The following A1CF variants were observed in gnomAD, a reference collection of about 807,000 sequenced individuals.
A1CF encodes the protein APOBEC1 complementation factor, also known as APOBEC-1 stimulating protein.
A neutral mutation model predicts 68.9 loss-of-function variants in A1CF; 48 were observed. The observed-to-expected ratio is 0.70, with a 90% CI of 0.55 to 0.89. The LOEUF (loss-of-function observed/expected upper bound fraction) is 0.89. Among genes scored for constraint, A1CF ranks in the 40% least tolerant of loss-of-function variants. A1CF has a pLI of 0.00. For synonymous variants in A1CF, 272 were observed against 260.4 expected, an observed-to-expected ratio of 1.04 and a Z score of -0.43; for missense variants, 653 against 718.9, an observed-to-expected ratio of 0.91 and a Z score of 1.05.
chr10:50,832,102 A>G (rs982395685), intron 6 of A1CF, among the ~76,000 whole-genome samples: 33 of 152,208 alleles, frequency 2.2e-4, no homozygotes, highest in Admixed American at 1.5e-3. Context: ...TGTTAAAGAG[A>G]TTCCTGCATT....
intron 3 of A1CF, among the ~76,000 whole-genome samples, chr10:50,844,821 A>G (rs1839927571): frequency 6.6e-6 from 1 of 152,214 alleles, no homozygotes; most frequent in African/African-American, 2.4e-5. Context: ...TTTTCTATGT[A>G]TATTTTTAAA....
intron 9 of A1CF, among the ~76,000 whole-genome samples, chr10:50,815,188 T>A (rs1275753414): frequency 6.6e-6 from 1 of 152,184 alleles, no homozygotes; most frequent in African/African-American, 2.4e-5. Context: ...TCAGTTGGCA[T>A]TAGCCACATC....
At chr10:50,864,858 T>A (rs996561790) in intron 1 of A1CF, among the ~76,000 whole-genome samples, 2 of 152,132 alleles carry the variant, frequency 1.3e-5, no homozygotes, top group African/African-American at 4.8e-5. Context: ...CCTCAGGTGA[T>A]CCGCCAGCCT....
chr10:50,810,332 C>T (rs1838043295), intron 11 of A1CF, among the ~76,000 whole-genome samples: 1 of 152,108 alleles, frequency 6.6e-6, no homozygotes, highest in Non-Finnish European at 1.5e-5. Flanking sequence ...TATAGAAATG[C>T]AGGCTCAAGG....
At chr10:50,826,606 TG>T (rs1235514827) in intron 7 of A1CF, among the ~76,000 whole-genome samples, 1 of 152,124 alleles carries the variant, frequency 6.6e-6, no homozygotes, top group Non-Finnish European at 1.5e-5. Context: ...CTACCAGGCC[TG>T]CCCTACAAGA....
chr10:50,857,104 T>C (rs902651512), intron 3 of A1CF, among the ~76,000 whole-genome samples: 6 of 152,132 alleles, frequency 3.9e-5, no homozygotes, highest in Admixed American at 1.3e-4. Context: ...CTTCAGATTT[T>C]TTTATATGAT....
intron 6 of A1CF, among the ~76,000 whole-genome samples, chr10:50,834,603 C>T (rs532769339): frequency 6.6e-6 from 1 of 152,164 alleles, no homozygotes; most frequent in Non-Finnish European, 1.5e-5. Flanking sequence ...TTCTTACACA[C>T]AGCAAGGAGT....
intron 8 of A1CF, among the ~76,000 whole-genome samples, chr10:50,819,796 T>C (rs1838558272): frequency 6.6e-6 from 1 of 152,204 alleles, no homozygotes; most frequent in Non-Finnish European, 1.5e-5. Context: ...TTCTCTTAAA[T>C]ATTATCTTCT....
At chr10:50,810,070 AT>A (rs769724283) in intron 11 of A1CF, 28 bp from the exon 12 acceptor site, 1 of 1,612,922 alleles carries the variant, frequency 6.2e-7, no homozygotes, top group South Asian at 1.1e-5. Context: ...CAGGGTAGGC[AT>A]TTTTAAACTG....
Position 50,813,889 on chromosome 10 carries a change from A to G in A1CF, c.1291T>C (p.Leu431=). Reference sequence around the variant, plus strand: ...GCGAGTTTAATTCCTTGGGGTTTTAATGTGACAGGATTCATTGGGGTGAGC... The same window carrying G: ...GCGAGTTTAATTCCTTGGGGTTTTAGTGTGACAGGATTCATTGGGGTGAGC... ...MELTPMNPVT[L]KPQGIKLAPQ... The change falls in exon 10 of 13, where the codon TTA becomes CTA. Residue 431 remains leucine, a synonymous_variant. Transcript: ENST00000373997. 6.2e-7 allele frequency: 1 copy of G among 1,613,892 alleles called. No homozygotes were observed. Among genetic ancestry groups the G allele is most frequent in the Non-Finnish European group, 8.5e-7 (1 of 1,179,834 alleles).
At chr10:50,807,565 C>A (rs1837892912) in intron 12 of A1CF, among the ~76,000 whole-genome samples, 1 of 152,096 alleles carries the variant, frequency 6.6e-6, no homozygotes, top group Non-Finnish European at 1.5e-5. Flanking sequence ...TGGTTCTCCG[C>A]CTCAGAGAAC....
intron 7 of A1CF, among the ~76,000 whole-genome samples, chr10:50,827,733 G>A (rs1006901759): frequency 2.0e-5 from 3 of 152,020 alleles, no homozygotes; most frequent in African/African-American, 7.2e-5. Context: ...AAGAACTAGA[G>A]AAGCAAGAGC....
At chr10:50,811,244 T>G in intron 10 of A1CF, 68 bp from the exon 11 acceptor site, 1 of 1,482,556 alleles carries the variant, frequency 6.7e-7, no homozygotes, top group South Asian at 1.3e-5. Context: ...AGTTTTCAGG[T>G]TTTTAAACTC....
intron 5 of A1CF, among the ~76,000 whole-genome samples, chr10:50,839,582 C>T (rs1383702448): frequency 6.6e-6 from 1 of 152,184 alleles, no homozygotes; most frequent in African/African-American, 2.4e-5. Flanking sequence ...AAACAATCCT[C>T]CACATACTAC....
chr10:50,850,995 C>T (rs1171918107), intron 3 of A1CF, among the ~76,000 whole-genome samples: 1 of 152,184 alleles, frequency 6.6e-6, no homozygotes, highest in East Asian at 1.9e-4. Context: ...TTCCCATGTG[C>T]AGATAAAGAC....
rs1404582074 is a variant in A1CF, at chr10:50,806,819, G to T, written c.1671C>A (p.Thr557=). The part of the protein sequence containing the change: ...VSAAQLKQAV[T]LGQDLAAYTT... ...TATATGCTGCTAAGTCTTGTCCAAG[G>T]GTTACCGCTTGCTTGAGCTGGGCTG... The change falls in exon 13 of 13, where the codon ACC becomes ACA. Residue 557 remains threonine, a synonymous_variant. Transcript: ENST00000373997. 1 of 1,613,636 alleles carries T rather than the reference G, an allele frequency of 6.2e-7. No homozygotes were observed. Among genetic ancestry groups the T allele is most frequent in the Non-Finnish European group, 8.5e-7 (1 of 1,179,738 alleles).
intron 11 of A1CF, 46 bp from the exon 12 acceptor site, chr10:50,810,088 C>T (rs773000230): frequency 4.7e-5 from 75 of 1,605,378 alleles, no homozygotes; most frequent in Admixed American, 1.2e-4. Flanking sequence ...ACTGGTACAA[C>T]TGAGTCAGGT....
At chr10:50,810,662 C>A (rs1246139826) in intron 11 of A1CF, among the ~76,000 whole-genome samples, 1 of 152,170 alleles carries the variant, frequency 6.6e-6, no homozygotes, top group Non-Finnish European at 1.5e-5. Flanking sequence ...CCTGTACCGG[C>A]TACTACATCC....
At chr10:50,842,080 C>CACACACACA in intron 4 of A1CF, 88 bp from the exon 5 acceptor site, 1 of 1,205,724 alleles carries the variant, frequency 8.3e-7, no homozygotes, top group Admixed American at 2.2e-5. Flanking sequence ...CACAAACACA[C>CACACACACA]ACACACACAA....
Sources: allele counts gnomAD v4.1 joint callset (sites outside exome capture counted in the v4.1 genomes callset), GRCh38; gene constraint gnomAD v4.1.1; transcripts MANE v1.5; gene names NCBI Gene and HGNC (gene_info 2026-07-23, HGNC 2026-07-21).